PTPRD: variants seen among roughly 807,000 people sequenced by gnomAD.
PTPRD encodes the protein receptor-type tyrosine-protein phosphatase delta.
PTPRD carries 34 observed loss-of-function variants against 214.5 expected under a neutral mutation model. The observed-to-expected ratio is 0.16, with a 90% confidence interval of 0.12 to 0.21. The LOEUF (loss-of-function observed/expected upper bound fraction) is 0.21, where lower values mean the gene tolerates loss of function less well. PTPRD is among the 10% of genes least tolerant of loss of function. The pLI, the probability that PTPRD is intolerant of heterozygous loss-of-function variation, is 1.00. For synonymous variants in PTPRD, 1,128 were observed against 845.7 expected, an observed-to-expected ratio of 1.33 and a Z score of -5.79; for missense variants, 2,545 against 2,398.7, an observed-to-expected ratio of 1.06 and a Z score of -1.27.
At chr9:8,628,663 C>T (rs2096135167) in intron 14 of PTPRD, among the ~76,000 whole-genome samples, 1 of 151,162 alleles carries the variant, frequency 6.6e-6, no homozygotes, top group South Asian at 2.1e-4. Flanking sequence ...AACGTATTTG[C>T]TTAAGAATCC....
At chr9:10,132,124 G>A (rs1431819214) in intron 3 of PTPRD, among the ~76,000 whole-genome samples, 1 of 151,944 alleles carries the variant, frequency 6.6e-6, no homozygotes, top group African/African-American at 2.4e-5. Context: ...AGTTACTACT[G>A]GTAATGATTA....
intron 9 of PTPRD, among the ~76,000 whole-genome samples, chr9:9,321,124 T>C (rs1966251252): frequency 6.6e-6 from 1 of 152,212 alleles, no homozygotes; most frequent in Non-Finnish European, 1.5e-5. Context: ...TATCTTCTTG[T>C]AAAATCTACG....
chr9:9,400,725 G>C (rs1258292168), intron 8 of PTPRD, among the ~76,000 whole-genome samples: 1 of 152,004 alleles, frequency 6.6e-6, no homozygotes, highest in African/African-American at 2.4e-5. Context: ...TGGAGCTTTT[G>C]CTTTGACTCT....
chr9:10,321,538 T>C (rs1307812536), intron 3 of PTPRD, among the ~76,000 whole-genome samples: 2 of 152,086 alleles, frequency 1.3e-5, no homozygotes, highest in African/African-American at 4.8e-5. Context: ...ATGTGGTTGA[T>C]TGTCTGAGTA....
At chr9:8,419,929 T>C (rs559930810) in intron 35 of PTPRD, among the ~76,000 whole-genome samples, 32 of 152,228 alleles carry the variant, frequency 2.1e-4, no homozygotes, top group Non-Finnish European at 4.0e-4. Context: ...AGGAAATACT[T>C]TGAAACACAC....
intron 7 of PTPRD, among the ~76,000 whole-genome samples, chr9:9,662,287 T>C (rs1159900845): frequency 6.6e-6 from 1 of 151,658 alleles, no homozygotes; most frequent in Non-Finnish European, 1.5e-5. Context: ...TTCAACTCTA[T>C]ATGTAGTAGA....
chr9:10,209,500 C>G (rs975416424), intron 3 of PTPRD, among the ~76,000 whole-genome samples: 3 of 152,022 alleles, frequency 2.0e-5, no homozygotes, highest in African/African-American at 7.2e-5. Context: ...CTCCTCCCAG[C>G]CCCCCACTGC....
At chr9:10,461,337 G>A (rs1028999495) in intron 2 of PTPRD, among the ~76,000 whole-genome samples, 1 of 151,398 alleles carries the variant, frequency 6.6e-6, no homozygotes, top group Non-Finnish European at 1.5e-5. Context: ...ATTAAAAATA[G>A]AACTACCATT....
intron 8 of PTPRD, among the ~76,000 whole-genome samples, chr9:9,503,235 T>C (rs574346128): frequency 1.3e-5 from 2 of 151,784 alleles, no homozygotes; most frequent in African/African-American, 4.8e-5. Flanking sequence ...ATGTTACCAT[T>C]GGATTTTTAA....
intron 31 of PTPRD, among the ~76,000 whole-genome samples, chr9:8,469,011 T>G (rs1054504258): frequency 2.6e-5 from 4 of 151,994 alleles, no homozygotes; most frequent in Admixed American, 1.3e-4. Flanking sequence ...CACCATTAAT[T>G]CTACAATGTG....
chr9:10,549,863 C>T (rs929698968), intron 2 of PTPRD, among the ~76,000 whole-genome samples: 3 of 152,016 alleles, frequency 2.0e-5, no homozygotes, highest in African/African-American at 7.2e-5. Flanking sequence ...TAATGGTTCA[C>T]AGAACAATTC....
chr9:9,723,627 C>G (rs1171984731), intron 7 of PTPRD, among the ~76,000 whole-genome samples: 1 of 152,052 alleles, frequency 6.6e-6, no homozygotes, highest in Non-Finnish European at 1.5e-5. Flanking sequence ...ATACTGCCAT[C>G]TTAACAATGT....
intron 10 of PTPRD, among the ~76,000 whole-genome samples, chr9:9,052,253 T>C (rs1267943539): frequency 1.3e-5 from 2 of 152,100 alleles, no homozygotes; most frequent in Admixed American, 1.3e-4. Flanking sequence ...TCTAATCACT[T>C]CCCAAAGGCC....
intron 3 of PTPRD, among the ~76,000 whole-genome samples, chr9:10,332,845 C>T (rs2096776379): frequency 2.0e-5 from 3 of 151,810 alleles, no homozygotes. Flanking sequence ...TGTCCCGAAT[C>T]TCTAAGCACC....
intron 8 of PTPRD, among the ~76,000 whole-genome samples, chr9:9,553,960 C>T (rs1226768388): frequency 1.3e-5 from 2 of 151,970 alleles, no homozygotes. Flanking sequence ...GCATTGCTTG[C>T]TACAGATTCT....
intron 2 of PTPRD, among the ~76,000 whole-genome samples, chr9:10,492,576 T>G (rs1269500061): frequency 6.6e-6 from 1 of 152,200 alleles, no homozygotes; most frequent in Non-Finnish European, 1.5e-5. Flanking sequence ...CTTTTTCTTG[T>G]AAATTTGTTT....
At chr9:9,842,788 G>C (rs573988828) in intron 5 of PTPRD, among the ~76,000 whole-genome samples, 1 of 151,976 alleles carries the variant, frequency 6.6e-6, no homozygotes, top group African/African-American at 2.4e-5. Flanking sequence ...ACATGATGTG[G>C]AAGAAAAGGG....
intron 3 of PTPRD, among the ~76,000 whole-genome samples, chr9:10,160,907 C>A (rs1223392251): frequency 1.3e-5 from 2 of 151,820 alleles, no homozygotes; most frequent in Non-Finnish European, 2.9e-5. Flanking sequence ...AAATCAGTAG[C>A]AGTTATATAA....
At chr9:8,337,711 G>A (rs1848380505) in intron 43 of PTPRD, among the ~76,000 whole-genome samples, 1 of 151,686 alleles carries the variant, frequency 6.6e-6, no homozygotes, top group Non-Finnish European at 1.5e-5. Context: ...TTTGTTTATT[G>A]TGATCAGATT....
Sources: allele counts gnomAD v4.1 joint callset (sites outside exome capture counted in the v4.1 genomes callset), GRCh38; gene constraint gnomAD v4.1.1; transcripts MANE v1.5; gene names NCBI Gene and HGNC (gene_info 2026-07-23, HGNC 2026-07-21).